The following PTPRD variants were observed in gnomAD, a reference collection of about 807,000 sequenced individuals.
The protein encoded by PTPRD is receptor-type tyrosine-protein phosphatase delta.
A neutral mutation model predicts 214.5 loss-of-function variants in PTPRD; 34 were observed. That is an observed-to-expected ratio of 0.16 (90% CI 0.12 to 0.21). PTPRD has a LOEUF of 0.21. Ranked by LOEUF, PTPRD falls within the 10% of genes least tolerant of loss-of-function variation. The pLI, the probability that PTPRD is intolerant of heterozygous loss-of-function variation, is 1.00. For missense variants in PTPRD, 2,545 were observed against 2,398.7 expected, an observed-to-expected ratio of 1.06 and a Z score of -1.27; for synonymous variants, 1,128 against 845.7, an observed-to-expected ratio of 1.33 and a Z score of -5.79.
At chr9:10,355,757 C>A (rs1293961435) in intron 2 of PTPRD, among the ~76,000 whole-genome samples, 1 of 152,026 alleles carries the variant, frequency 6.6e-6, no homozygotes, top group Non-Finnish European at 1.5e-5. Context: ...GGATTACAGG[C>A]GTGAGCCACC....
chr9:10,498,103 A>G (rs1269987388), intron 2 of PTPRD, among the ~76,000 whole-genome samples: 1 of 152,060 alleles, frequency 6.6e-6, no homozygotes, highest in African/African-American at 2.4e-5. Context: ...CAATATTACA[A>G]TTAACATTCA....
chr9:9,424,194 C>T (rs1352263904), intron 8 of PTPRD, among the ~76,000 whole-genome samples: 2 of 152,168 alleles, frequency 1.3e-5, no homozygotes, highest in Admixed American at 1.3e-4. Flanking sequence ...AAATTTGTTG[C>T]CACTTCATCA....
At chr9:9,570,073 C>G (rs2085889369) in intron 8 of PTPRD, among the ~76,000 whole-genome samples, 1 of 151,464 alleles carries the variant, frequency 6.6e-6, no homozygotes, top group African/African-American at 2.4e-5. Context: ...TTTAACAATT[C>G]TGTGTAATCA....
At chr9:9,323,515 G>GA (rs1185051920) in intron 9 of PTPRD, among the ~76,000 whole-genome samples, 13 of 152,224 alleles carry the variant, frequency 8.5e-5, no homozygotes, top group African/African-American at 3.1e-4. Context: ...ATTTTTAATA[G>GA]TCTATTTTCT....
chr9:9,068,609 C>CA (rs1034449071), intron 10 of PTPRD, among the ~76,000 whole-genome samples: 2 of 151,726 alleles, frequency 1.3e-5, no homozygotes, highest in African/African-American at 4.8e-5. Flanking sequence ...TGATGTTTTA[C>CA]AAAAAATTTT....
intron 33 of PTPRD, among the ~76,000 whole-genome samples, chr9:8,457,904 C>G (rs1206112968): frequency 1.3e-5 from 2 of 152,064 alleles, no homozygotes; most frequent in Non-Finnish European, 2.9e-5. Flanking sequence ...TAACTTTGCT[C>G]AGAATCCAAG....
chr9:10,286,300 G>A (rs78856437), intron 3 of PTPRD, among the ~76,000 whole-genome samples: 1,883 of 152,096 alleles, frequency 0.012, 44 homozygotes, highest in African/African-American at 0.043. Context: ...AAATTAGCCA[G>A]GCATAGTGAT....
At chr9:9,439,292 T>C (rs1362314141) in intron 8 of PTPRD, among the ~76,000 whole-genome samples, 2 of 152,112 alleles carry the variant, frequency 1.3e-5, no homozygotes, top group Non-Finnish European at 2.9e-5. Context: ...ACCCCACTTA[T>C]TAGAAAATTC....
At chr9:9,174,937 T>C (rs1346421382) in intron 10 of PTPRD, among the ~76,000 whole-genome samples, 1 of 151,914 alleles carries the variant, frequency 6.6e-6, no homozygotes, top group Non-Finnish European at 1.5e-5. Flanking sequence ...CATTGAAAGG[T>C]GATTAGGTCA....
At chr9:8,589,491 T>C (rs891016601) in intron 14 of PTPRD, among the ~76,000 whole-genome samples, 4 of 152,066 alleles carry the variant, frequency 2.6e-5, no homozygotes, top group Non-Finnish European at 5.9e-5. Context: ...GAAGAAAAAA[T>C]ATGAAAACCT....
At chr9:9,811,521 C>G (rs566334230) in intron 5 of PTPRD, among the ~76,000 whole-genome samples, 1 of 152,198 alleles carries the variant, frequency 6.6e-6, no homozygotes, top group South Asian at 2.1e-4. Flanking sequence ...TCCTGGCTGA[C>G]ACGGTGAAGC....
At chr9:8,818,390 A>G (rs946745405) in intron 11 of PTPRD, among the ~76,000 whole-genome samples, 8 of 152,224 alleles carry the variant, frequency 5.3e-5, no homozygotes, top group African/African-American at 1.9e-4. Context: ...CTTATTTATA[A>G]TACTGCCTTT....
At chr9:8,685,451 T>C (rs765326877) in intron 12 of PTPRD, among the ~76,000 whole-genome samples, 85 of 152,216 alleles carry the variant, frequency 5.6e-4, no homozygotes, top group Non-Finnish European at 9.6e-4. Context: ...TTTGTTGGAG[T>C]TTCAGAAGAA....
At position 10,571,482 on chromosome 9, in the gene PTPRD, C is replaced by T. The variant is rs544659023; in HGVS notation, c.-600+40916G>A. Reference sequence around the variant, plus strand: ...ATGATATAGTAAAGAAACTAGCTTTCGGAATGAGACAGGCCTTGATTTAAA... The same window carrying T: ...ATGATATAGTAAAGAAACTAGCTTTTGGAATGAGACAGGCCTTGATTTAAA... On this transcript the variant is annotated intron_variant, in intron 2 of 45. Transcript: ENST00000381196. 8.5e-5 allele frequency among the ~76,000 whole-genome samples: 13 copies of T among 152,196 alleles called. 1 individual carries two copies. The South Asian group carries it at 1.7e-3, about 19-fold the overall frequency.
chr9:9,850,040 C>A (rs574273431), intron 5 of PTPRD, among the ~76,000 whole-genome samples: 2 of 152,162 alleles, frequency 1.3e-5, no homozygotes, highest in Admixed American at 6.6e-5. Flanking sequence ...AGTGAACTCA[C>A]GAACAGAGTA....
chr9:10,501,551 G>C (rs970677232), intron 2 of PTPRD, among the ~76,000 whole-genome samples: 1 of 151,896 alleles, frequency 6.6e-6, no homozygotes, highest in African/African-American at 2.4e-5. Flanking sequence ...CTCACACCCA[G>C]CAGATTTAAC....
At chr9:8,349,105 A>G (rs1269827077) in intron 39 of PTPRD, among the ~76,000 whole-genome samples, 1 of 152,150 alleles carries the variant, frequency 6.6e-6, no homozygotes, top group African/African-American at 2.4e-5. Flanking sequence ...GATCAATAAC[A>G]CATAGGGGAA....
chr9:9,233,668 C>A (rs1404702593), intron 9 of PTPRD, among the ~76,000 whole-genome samples: 1 of 152,214 alleles, frequency 6.6e-6, no homozygotes, highest in East Asian at 1.9e-4. Context: ...TGGGTAAATA[C>A]ACCCATTCCA....
At chr9:9,056,157 G>A (rs2099695862) in intron 10 of PTPRD, among the ~76,000 whole-genome samples, 1 of 152,108 alleles carries the variant, frequency 6.6e-6, no homozygotes, top group Non-Finnish European at 1.5e-5. Flanking sequence ...AACAATCTAC[G>A]AAGAAGACAA....
Sources: gnomAD v4.1 joint callset for allele counts (sites outside exome capture counted in the v4.1 genomes callset) on GRCh38, gnomAD v4.1.1 for gene constraint, MANE v1.5 for transcripts, NCBI Gene and HGNC (gene_info 2026-07-23, HGNC 2026-07-21) for gene names.